The following CC2D1A variants were observed in gnomAD, a reference collection of about 807,000 sequenced individuals.
CC2D1A encodes the protein coiled-coil and C2 domain-containing protein 1A.
In CC2D1A, 68 loss-of-function variants were observed where a neutral mutation model predicts 123.8. That is an observed-to-expected ratio of 0.55 (90% CI 0.45 to 0.67). The LOEUF (loss-of-function observed/expected upper bound fraction) is 0.67, where lower values mean the gene tolerates loss of function less well. Ranked by LOEUF, CC2D1A falls within the 30% of genes least tolerant of loss-of-function variation. The pLI, the probability that CC2D1A is intolerant of heterozygous loss-of-function variation, is 0.00. For missense variants in CC2D1A, 1,185 were observed against 1,290.3 expected (o/e 0.92, Z 1.25); for synonymous variants, 477 against 528.0 (o/e 0.90, Z 1.32).
At position 13,912,332 on chromosome 19, in the gene CC2D1A, C is replaced by G; in HGVS notation, c.206C>G (p.Pro69Arg). The change falls in exon 3 of 29, where the codon CCG becomes CGG. Residue 69 changes from proline to arginine, a missense_variant. Transcript: ENST00000318003. Reference sequence around the variant, plus strand: ...ATCCCCCTACCGCCAGGTCCCTTGCCGATGGAGGCCATTGAGAAGATGGCC... The same window carrying G: ...ATCCCCCTACCGCCAGGTCCCTTGCGGATGGAGGCCATTGAGAAGATGGCC... Reference protein sequence around the residue: ...LEKLKGKGPLPMEAIEKMASL... With the variant: ...LEKLKGKGPLRMEAIEKMASL... 1 of 1,603,574 alleles carries G rather than the reference C, an allele frequency of 6.2e-7. No individual in the cohort carries two copies. Among genetic ancestry groups the G allele is most frequent in the Non-Finnish European group, 8.5e-7 (1 of 1,175,266 alleles).
At chr19:13,917,127 TAAGAG>T (rs1197794613) in intron 6 of CC2D1A, among the ~76,000 whole-genome samples, 1 of 152,126 alleles carries the variant, frequency 6.6e-6, no homozygotes, top group Non-Finnish European at 1.5e-5. Flanking sequence ...TGGATGGAAA[TAAGAG>T]AAGACTCAAA....
chr19:13,930,174 G>A lies in CC2D1A; in HGVS notation c.2787+20G>A. On this transcript the variant is annotated intron_variant, in intron 27 of 28. Transcript: ENST00000318003. This position sits in a 1 kb window ranked among gnomAD's most constrained non-coding sequence, Gnocchi z 6.8. The stretch of plus-strand genomic sequence containing the variant: ...AGCAGGGTGAGCTGGTCGCGGGCCG[G>A]GTGGGCACTGGGCAGCGGGCAGGGT... The A allele has an allele frequency of 6.2e-7, 1 of 1,613,344 alleles. No homozygotes were observed. The highest frequency in any genetic ancestry group is 2.2e-5 in the East Asian group (1 of 44,862).
intron 17 of CC2D1A, among the ~76,000 whole-genome samples, chr19:13,925,452 C>T (rs1010469369): frequency 3.3e-5 from 5 of 152,028 alleles, no homozygotes; most frequent in African/African-American, 9.7e-5. Context: ...TGGTGGTAGG[C>T]GCCCATAGTC....
rs1568411702 is a variant in CC2D1A at position 13,918,996 on chromosome 19, G to C, written c.1103G>C (p.Ser368Thr). 1 of 1,609,184 alleles carries C rather than the reference G, an allele frequency of 6.2e-7. No individual in the cohort carries two copies. The highest frequency in any genetic ancestry group is 8.5e-7 in the Non-Finnish European group (1 of 1,177,768). ...CAGGTGGCCGCAGCCCAGGCCAAGA[G>C]CAAGGGGGACCAGCGGAAAGCTCGA... ...RYQVAAAQAK[S>T]KGDQRKARMH... The change falls in exon 10 of 29, where the codon AGC becomes ACC. Residue 368 changes from serine to threonine, a missense_variant. Transcript: ENST00000318003.
At position 13,906,218 on chromosome 19, in the gene CC2D1A, G is replaced by A. The variant is rs1970719184; in HGVS notation, c.-224G>A. ...CGGGAGTTGTAGTTTCGGCTCGGCA[G>A]ACCCGGCGAGCCCAGTGGCCGCGCT... On this transcript the variant is annotated 5_prime_UTR_variant, in exon 1 of 29. Coordinates refer to ENST00000318003, the MANE Select transcript of CC2D1A (RefSeq NM_017721.5). The surrounding 1 kb of genome is among the most constrained non-coding windows in gnomAD (Gnocchi z 4.1). 2.3e-6 allele frequency: 1 copy of A among 434,114 alleles called. No individual in the cohort carries two copies. Among genetic ancestry groups the A allele is most frequent in the Non-Finnish European group, 4.1e-6 (1 of 244,748 alleles). The allele number at this position is 434,114 out of a possible 1,614,324, so 26.9% of individuals were successfully genotyped here. A position where few individuals can be genotyped will look rare whatever the true frequency, so the allele number is the denominator to read the frequency against.
At chr19:13,917,929 C>T (rs915199508) in intron 6 of CC2D1A, 141 bp from the exon 7 acceptor site, 1 of 828,070 alleles carries the variant, frequency 1.2e-6, no homozygotes, top group Non-Finnish European at 1.8e-6. Context: ...TGAGATTGCG[C>T]CACTGTACCC....
Position 13,927,201 on chromosome 19 carries a change from TG to T in CC2D1A, c.2256del (p.Thr753GlnfsTer4). The T allele has an allele frequency of 6.2e-7, 1 of 1,614,074 alleles. No individual in the cohort carries two copies. Among genetic ancestry groups the T allele is most frequent in the Non-Finnish European group, 8.5e-7 (1 of 1,180,012 alleles). On this transcript the variant is annotated frameshift_variant, in exon 22 of 29. Coordinates refer to ENST00000318003, the MANE Select transcript of CC2D1A (RefSeq NM_017721.5). LOFTEE classifies it high-confidence loss of function. ...GGGCTGTTCAAGACTGACCGGGTGC[TG>T]GGGACAGCCCAGCTGAAGCTGGATG... The part of the protein sequence containing the change: ...KGGLFKTDRV[L>X]GTAQLKLDAL...
At chr19:13,919,318 G>A (rs1971327024) in intron 11 of CC2D1A, 116 bp downstream of exon 11, 1 of 779,810 alleles carries the variant, frequency 1.3e-6, no homozygotes, top group Non-Finnish European at 2.0e-6. Flanking sequence ...CAGCCTCTGA[G>A]CCTTGGCAGA....
At chr19:13,907,822 T>G (rs1462140006) in intron 1 of CC2D1A, among the ~76,000 whole-genome samples, 1 of 152,240 alleles carries the variant, frequency 6.6e-6, no homozygotes, top group South Asian at 2.1e-4. Context: ...CAATAAATGT[T>G]ACTATTATCA....
Position 13,909,940 on chromosome 19 carries a change from G to A in CC2D1A, c.178G>A (p.Glu60Lys), listed in dbSNP as rs1271959798. The A allele has an allele frequency of 1.3e-6, 2 of 1,520,306 alleles. No individual in the cohort carries two copies. Among genetic ancestry groups the A allele is most frequent in the Non-Finnish European group, 1.8e-6 (2 of 1,134,446 alleles). 94.2% of individuals were successfully genotyped at this position (1,520,306 alleles called of 1,614,324 possible). A position where few individuals can be genotyped will look rare whatever the true frequency, so the allele number is the denominator to read the frequency against. The change falls in exon 2 of 29, where the codon GAG becomes AAG. Residue 60 changes from glutamate to lysine, a missense_variant. By Grantham distance (56) the Glu-to-Lys change is moderately conservative. Coordinates refer to ENST00000318003, the MANE Select transcript of CC2D1A (RefSeq NM_017721.5). ...GGTCGGGGGCCAGCCCCCAGCCCTGGAGAAGCTCAAAGGCAAAGGTGAGAT... is the reference window on the plus strand; with the variant it reads ...GGTCGGGGGCCAGCCCCCAGCCCTGAAGAAGCTCAAAGGCAAAGGTGAGAT... ...ALVGGQPPAL[E>K]KLKGKGPLPM...
chr19:13,920,353 C>T lies in CC2D1A; in HGVS notation c.1357-204C>T, dbSNP rs148877865. On this transcript the variant is annotated intron_variant, in intron 12 of 28. Transcript: ENST00000318003. Reference sequence around the variant, plus strand: ...TCGTGCTACTGCACTCCAGCCTGGACGATACAGTGATACTCTGTCTCAAAA... The same window carrying T: ...TCGTGCTACTGCACTCCAGCCTGGATGATACAGTGATACTCTGTCTCAAAA... 116 of 572,898 alleles carry T rather than the reference C, an allele frequency of 2.0e-4. 1 individual carries two copies. Among genetic ancestry groups the T allele is most frequent in the South Asian group, 1.1e-3 (51 of 44,402 alleles). 35.5% of individuals were successfully genotyped at this position (572,898 alleles called of 1,614,324 possible).
At chr19:13,910,072 T>C in intron 2 of CC2D1A, 114 bp downstream of exon 2, 1 of 1,020,754 alleles carries the variant, frequency 9.8e-7, no homozygotes, top group Non-Finnish European at 1.3e-6. Context: ...ACCCCTGTTC[T>C]CCTGGAGCCA....
At chr19:13,926,437 G>C in intron 17 of CC2D1A, 80 bp from the exon 18 acceptor site, 1 of 1,371,204 alleles carries the variant, frequency 7.3e-7, no homozygotes, top group East Asian at 2.4e-5. Flanking sequence ...CCCACTGGGG[G>C]AAGAGAAGGC....
In CC2D1A at chr19:13,927,954, C is replaced by T; in HGVS notation, c.2378C>T (p.Pro793Leu). 1 of 1,613,756 alleles carries T rather than the reference C, an allele frequency of 6.2e-7. No individual in the cohort carries two copies. The highest frequency in any genetic ancestry group is 8.5e-7 in the Non-Finnish European group (1 of 1,179,878). The stretch of plus-strand genomic sequence containing the variant: ...GAGGTAATGGTCCGGATTCGGGAGC[C>T]ACTGACAGCCCAGCAGTTGGAGACG... ...RLEVMVRIREPLTAQQLETTT... is the reference protein window; with the variant it reads ...RLEVMVRIRELLTAQQLETTT... The change falls in exon 23 of 29, where the codon CCA becomes CTA. Residue 793 changes from proline (P) to leucine (L), a missense_variant. Physicochemically the swap from Pro to Leu is moderately conservative, Grantham distance 98. Coordinates refer to ENST00000318003, the MANE Select transcript of CC2D1A (RefSeq NM_017721.5).
chr19:13,920,187 G>T, intron 12 of CC2D1A: 2 of 518,572 alleles, frequency 3.9e-6, no homozygotes, highest in Non-Finnish European at 6.8e-6. Flanking sequence ...GGAGTTCAAG[G>T]CTGCAGTGAG....
intron 22 of CC2D1A, chr19:13,927,575 G>A (rs1158739353): frequency 2.2e-6 from 1 of 459,938 alleles, no homozygotes; most frequent in African/African-American, 2.0e-5. Flanking sequence ...TCAGGAGATC[G>A]AGACCATCCT....
intron 22 of CC2D1A, 46 bp downstream of exon 22, chr19:13,927,311 C>T (rs1309139247): frequency 1.4e-6 from 2 of 1,470,750 alleles, no homozygotes; most frequent in Admixed American, 3.3e-5. Flanking sequence ...GGCCATGCTA[C>T]TCGTTAACAT....
At position 13,906,479 on chromosome 19, in the gene CC2D1A, G is replaced by A; in HGVS notation, c.38G>A (p.Arg13Lys). The change falls in exon 1 of 29, where the codon AGA becomes AAA. Residue 13 changes from arginine to lysine, a missense_variant. Physicochemically the swap from Arg to Lys is conservative, Grantham distance 26. Transcript: ENST00000318003. This position sits in a 1 kb window ranked among gnomAD's most constrained non-coding sequence, Gnocchi z 4.1. ...AAAGGACCCCCGGGACCCCCGGGCAGAGGCGCCGCGGCCGCCCGCCAGGTG... is the reference window on the plus strand; with the variant it reads ...AAAGGACCCCCGGGACCCCCGGGCAAAGGCGCCGCGGCCGCCCGCCAGGTG... ...KRKGPPGPPG[R>K]GAAAARQLGL... 6.6e-7 allele frequency: 1 copy of A among 1,504,786 alleles called. No homozygotes were observed. Among genetic ancestry groups the A allele is most frequent in the Admixed American group, 2.2e-5 (1 of 46,364 alleles). The allele number at this position is 1,504,786 out of a possible 1,614,324, so 93.2% of individuals were successfully genotyped here. A position where few individuals can be genotyped will look rare whatever the true frequency, so the allele number is the denominator to read the frequency against.
chr19:13,907,332 G>A (rs1970796855), intron 1 of CC2D1A, among the ~76,000 whole-genome samples: 1 of 152,012 alleles, frequency 6.6e-6, no homozygotes, highest in South Asian at 2.1e-4. Flanking sequence ...GATTGCTTGA[G>A]CCCAGGAGTT....
Sources: allele counts gnomAD v4.1 joint callset (sites outside exome capture counted in the v4.1 genomes callset), GRCh38; gene constraint gnomAD v4.1.1; non-coding constraint Gnocchi (gnomAD v3.1); transcripts MANE v1.5; gene names NCBI Gene and HGNC (gene_info 2026-07-23, HGNC 2026-07-21).